TTF2: variants seen among roughly 807,000 people sequenced by gnomAD.
TTF2 encodes the protein RNA polymerase II termination factor.
Under a neutral mutation model 142.4 loss-of-function variants are expected in TTF2, and 108 were observed. That is an observed-to-expected ratio of 0.76 (90% CI 0.65 to 0.89). The LOEUF (loss-of-function observed/expected upper bound fraction) is 0.89, where lower values mean the gene tolerates loss of function less well. Among genes scored for constraint, TTF2 ranks in the 40% least tolerant of loss-of-function variants. The pLI, the probability that TTF2 is intolerant of heterozygous loss-of-function variation, is 0.00. For synonymous variants in TTF2, 483 were observed against 506.2 expected, an observed-to-expected ratio of 0.95 and a Z score of 0.61; for missense variants, 1,327 against 1,379.8, an observed-to-expected ratio of 0.96 and a Z score of 0.61.
rs368858689 is a variant in TTF2, at chr1:117,063,683, T to C, written c.218+1210T>C. Among the ~76,000 whole-genome samples, 15 of 152,228 alleles carry C rather than the reference T, an allele frequency of 9.9e-5. No individual in the cohort carries two copies. Among genetic ancestry groups the C allele is most frequent in the African/African-American group, 3.4e-4 (14 of 41,464 alleles). On this transcript the variant is annotated intron_variant, in intron 3 of 22. Transcript: ENST00000369466. This position sits in a 1 kb window ranked among gnomAD's most constrained non-coding sequence, Gnocchi z 4.1. The stretch of plus-strand genomic sequence containing the variant: ...CTGTTTAAATATTTTATCCTTTTTT[T>C]TGCATTGAAATTTTTATCAAGTAGT...
rs952630716 is a variant in TTF2 at position 117,085,373 on chromosome 1, G to A, written c.2055-1044G>A. ...GTTCGAGACCAGCCTAGGCAACATG[G>A]TGAAACCCATCTCTACCAAAAATAC... is the stretch of plus-strand genomic sequence containing the variant. On this transcript the variant is annotated intron_variant, in intron 11 of 22. Transcript: ENST00000369466. The surrounding 1 kb of genome is among the most constrained non-coding windows in gnomAD (Gnocchi z 4.7). Among the ~76,000 whole-genome samples the A allele has an allele frequency of 6.6e-6, 1 of 152,146 alleles. No homozygotes were observed. Among genetic ancestry groups the A allele is most frequent in the Non-Finnish European group, 1.5e-5 (1 of 68,032 alleles).
intron 15 of TTF2, 132 bp from the exon 16 acceptor site, chr1:117,091,196 G>T: frequency 3.3e-6 from 2 of 599,200 alleles, no homozygotes; most frequent in South Asian, 6.4e-5. Flanking sequence ...ATTACCTTTG[G>T]CCATTGCTTC....
chr1:117,082,703 G>T (rs1647631193), intron 10 of TTF2, among the ~76,000 whole-genome samples: 1 of 152,110 alleles, frequency 6.6e-6, no homozygotes, highest in Non-Finnish European at 1.5e-5. Context: ...TTAAAATGTA[G>T]TAACTTTAGC....
rs1364177499 is a variant in TTF2 at position 117,070,299 on chromosome 1, G to A, written c.219-3362G>A. ...TAGGAGATTTCATTTTTGTGTGAAC[G>A]TCACTGTGTGAACTTACACAAACCT... On this transcript the variant is annotated intron_variant, in intron 3 of 22. Coordinates refer to ENST00000369466, the MANE Select transcript of TTF2 (RefSeq NM_003594.4). This position sits in a 1 kb window ranked among gnomAD's most constrained non-coding sequence, Gnocchi z 4.2. Among the ~76,000 whole-genome samples, 7 of 152,212 alleles carry A rather than the reference G, an allele frequency of 4.6e-5. No individual in the cohort carries two copies. Among genetic ancestry groups the A allele is most frequent in the Non-Finnish European group, 8.8e-5 (6 of 68,044 alleles).
In TTF2 at chr1:117,097,309, G is replaced by A. The variant is rs1404427635; in HGVS notation, c.3187-42G>A. On this transcript the variant is annotated intron_variant, in intron 20 of 22. Coordinates refer to ENST00000369466, the MANE Select transcript of TTF2 (RefSeq NM_003594.4). This position sits in a 1 kb window ranked among gnomAD's most constrained non-coding sequence, Gnocchi z 4.1. ...AACCTGAGACCGAGATGTGTTACGAGACCAAGTCTGTTTAAAGTTAATGTT... is the reference window on the plus strand; with the variant it reads ...AACCTGAGACCGAGATGTGTTACGAAACCAAGTCTGTTTAAAGTTAATGTT... 1 of 1,583,710 alleles carries A rather than the reference G, an allele frequency of 6.3e-7. No homozygotes were observed. The highest frequency in any genetic ancestry group is 8.7e-7 in the Non-Finnish European group (1 of 1,152,470).
At position 117,097,229 on chromosome 1, in the gene TTF2, A is replaced by T; in HGVS notation, c.3187-122A>T. ...GTTAAAAAAAAAAACAATTTATAAC[A>T]GCAGAAGGAAATTTGATAGGAACAC... On this transcript the variant is annotated intron_variant, in intron 20 of 22. Coordinates refer to ENST00000369466, the MANE Select transcript of TTF2 (RefSeq NM_003594.4). The surrounding 1 kb of genome is among the most constrained non-coding windows in gnomAD (Gnocchi z 4.1). 1.2e-6 allele frequency: 1 copy of T among 830,304 alleles called. No homozygotes were observed. Among genetic ancestry groups the T allele is most frequent in the Non-Finnish European group, 2.0e-6 (1 of 506,868 alleles). 51.4% of individuals were successfully genotyped at this position (830,304 alleles called of 1,614,324 possible). A position where few individuals can be genotyped will look rare whatever the true frequency, so the allele number is the denominator to read the frequency against.
rs753846011 is a variant in TTF2 at position 117,075,477 on chromosome 1, GC to G, written c.896del (p.Pro299LeufsTer80). On this transcript the variant is annotated frameshift_variant, in exon 5 of 23. Transcript: ENST00000369466. LOFTEE classifies it high-confidence loss of function. This position sits in a 1 kb window ranked among gnomAD's most constrained non-coding sequence, Gnocchi z 4.5. Reference sequence around the variant, plus strand: ...GCTAAAGAAACAAAGGCAAAGGATGGCCCTAGCATACAGGCCACCCAGAAAA... The same window carrying G: ...GCTAAAGAAACAAAGGCAAAGGATGGCCTAGCATACAGGCCACCCAGAAAA... ...WEAKETKAKD[G>X]PSIQATQKSL... The G allele has an allele frequency of 1.9e-6, 3 of 1,613,966 alleles. No homozygotes were observed. The highest frequency in any genetic ancestry group is 2.5e-6 in the Non-Finnish European group (3 of 1,179,998).
intron 3 of TTF2, among the ~76,000 whole-genome samples, chr1:117,071,736 G>A (rs151017615): frequency 4.7e-4 from 71 of 152,146 alleles, no homozygotes; most frequent in African/African-American, 1.4e-3. Flanking sequence ...ACTTAATTAC[G>A]TACAACAGGC....
rs746429884 is a variant in TTF2 at position 117,095,258 on chromosome 1, G to A, written c.2977-51G>A. ...CTTCGCATGGCAGGTGAGGGGAGATGGAGAAAAGTGAATTGCTTAAACATA... is the reference window on the plus strand; with the variant it reads ...CTTCGCATGGCAGGTGAGGGGAGATAGAGAAAAGTGAATTGCTTAAACATA... On this transcript the variant is annotated intron_variant, in intron 18 of 22. Coordinates refer to ENST00000369466, the MANE Select transcript of TTF2 (RefSeq NM_003594.4). 533 of 1,589,742 alleles carry A rather than the reference G, an allele frequency of 3.4e-4. 1 individual carries two copies. Among genetic ancestry groups the A allele is most frequent in the Admixed American group, 1.3e-3 (80 of 59,940 alleles).
rs774489033 is a variant in TTF2 at position 117,092,760 on chromosome 1, A to G, written c.2835A>G (p.Glu945=). ...SALDPMELKG[E]GLVLSLEEQL... ...TGGATCCAATGGAACTGAAGGGTGA[A>G]GGTCTTGTCCTTTCCCTGGAAGAAC... Residue 945 remains glutamate (E), a synonymous_variant, in exon 18 of 23, where the codon GAA becomes GAG. Coordinates refer to ENST00000369466, the MANE Select transcript of TTF2 (RefSeq NM_003594.4). The surrounding 1 kb of genome is among the most constrained non-coding windows in gnomAD (Gnocchi z 4.4). 6.2e-7 allele frequency: 1 copy of G among 1,614,114 alleles called. No individual in the cohort carries two copies. Among genetic ancestry groups the G allele is most frequent in the Non-Finnish European group, 8.5e-7 (1 of 1,180,018 alleles).
chr1:117,077,489 C>CGT (rs1657111355), intron 7 of TTF2, among the ~76,000 whole-genome samples: 1 of 152,042 alleles, frequency 6.6e-6, no homozygotes, highest in South Asian at 2.1e-4. Flanking sequence ...CTTATTCTTT[C>CGT]GTGTGTGTGT....
rs1343228672 is a variant in TTF2, at chr1:117,102,365, G to A, written c.*841G>A. On this transcript the variant is annotated 3_prime_UTR_variant, in exon 23 of 23. Transcript: ENST00000369466. ...CATCTCTGCAGTTCTCTCAGTGCAGGCAGTTCTTCCTCTCAGGCTGAAGAT... is the reference window on the plus strand; with the variant it reads ...CATCTCTGCAGTTCTCTCAGTGCAGACAGTTCTTCCTCTCAGGCTGAAGAT... 1 of 152,198 alleles carries A rather than the reference G, an allele frequency of 6.6e-6. No homozygotes were observed. Among genetic ancestry groups the A allele is most frequent in the African/African-American group, 2.4e-5 (1 of 41,458 alleles). The allele number at this position is 152,198 out of a possible 1,614,324, so 9.4% of individuals were successfully genotyped here.
Position 117,098,786 on chromosome 1 carries a change from C to G in TTF2, c.3270-47C>G, listed in dbSNP as rs113667656. The stretch of plus-strand genomic sequence containing the variant: ...GCCCATGGCCCATAGTTTGCCATTT[C>G]TGATCTAGTATGTCAGTTCCTTTGA... On this transcript the variant is annotated intron_variant, in intron 21 of 22. Transcript: ENST00000369466. 8.3e-4 allele frequency: 1,310 copies of G among 1,574,144 alleles called. 10 individuals are homozygous for G. The African/African-American group carries it at 0.015, about 18-fold the overall frequency.
rs985787017 is a variant in TTF2 at position 117,090,476 on chromosome 1, A to G, written c.2497-56A>G. 6.6e-7 allele frequency: 1 copy of G among 1,518,170 alleles called. No homozygotes were observed. Among genetic ancestry groups the G allele is most frequent in the Non-Finnish European group, 9.1e-7 (1 of 1,101,160 alleles). The allele number at this position is 1,518,170 out of a possible 1,614,324, so 94.0% of individuals were successfully genotyped here. A position where few individuals can be genotyped will look rare whatever the true frequency, so the allele number is the denominator to read the frequency against. ...AGTGTCAGTATGGGGAATTTGTTCT[A>G]TAATAGGCAGTTAATTTGTATAGCT... is the stretch of plus-strand genomic sequence containing the variant. On this transcript the variant is annotated intron_variant, in intron 14 of 22. Coordinates refer to ENST00000369466, the MANE Select transcript of TTF2 (RefSeq NM_003594.4). This position sits in a 1 kb window ranked among gnomAD's most constrained non-coding sequence, Gnocchi z 4.8.
chr1:117,064,428 TG>T (rs1655923671), intron 3 of TTF2, among the ~76,000 whole-genome samples: 1 of 152,216 alleles, frequency 6.6e-6, no homozygotes, highest in African/African-American at 2.4e-5. Flanking sequence ...TTGTGCTTTT[TG>T]TCTGATCTCC....
At chr1:117,068,177 C>T (rs899757919) in intron 3 of TTF2, among the ~76,000 whole-genome samples, 6 of 152,228 alleles carry the variant, frequency 3.9e-5, no homozygotes, top group African/African-American at 1.4e-4. Context: ...AGAACTTTCA[C>T]TCAAGGATAC....
At position 117,075,973 on chromosome 1, in the gene TTF2, T is replaced by C. The variant is rs1436970498; in HGVS notation, c.1275+114T>C. 7.0e-7 allele frequency: 1 copy of C among 1,432,256 alleles called. No homozygotes were observed. The highest frequency in any genetic ancestry group is 9.3e-7 in the Non-Finnish European group (1 of 1,076,568). 88.7% of individuals were successfully genotyped at this position (1,432,256 alleles called of 1,614,324 possible). ...TATGTTCATGTGAAGGTTTTATAGG[T>C]GCATGTTCAGTTTCTGCCTTTTCCC... On this transcript the variant is annotated intron_variant, in intron 5 of 22. Transcript: ENST00000369466. This position sits in a 1 kb window ranked among gnomAD's most constrained non-coding sequence, Gnocchi z 4.5.
In TTF2 at chr1:117,075,719, G is replaced by A. The variant is rs751334441; in HGVS notation, c.1135G>A (p.Glu379Lys). Residue 379 changes from glutamate to lysine, a missense_variant, in exon 5 of 23, where the codon GAG (glutamate) becomes AAG (lysine). Glu to Lys is a moderately conservative substitution (Grantham distance 56). Transcript: ENST00000369466. The surrounding 1 kb of genome is among the most constrained non-coding windows in gnomAD (Gnocchi z 4.5). ...PLLFDSTLDL[E>K]TKENLQFPDR... ...ACTCTTTGACTCGACTCTGGACTTA[G>A]AGACGAAGGAAAACCTCCAATTCCC... is the stretch of plus-strand genomic sequence containing the variant. 1 of 1,614,094 alleles carries A rather than the reference G, an allele frequency of 6.2e-7. No homozygotes were observed. Among genetic ancestry groups the A allele is most frequent in the East Asian group, 2.2e-5 (1 of 44,890 alleles).
chr1:117,098,617 T>G, intron 21 of TTF2: 1 of 466,042 alleles, frequency 2.1e-6, no homozygotes, highest in East Asian at 3.5e-5. Flanking sequence ...ATCGACAGAT[T>G]TTTTTTCTTT....
Sources: allele counts gnomAD v4.1 joint callset (sites outside exome capture counted in the v4.1 genomes callset), GRCh38; gene constraint gnomAD v4.1.1; non-coding constraint Gnocchi (gnomAD v3.1); transcripts MANE v1.5; gene names NCBI Gene and HGNC (gene_info 2026-07-23, HGNC 2026-07-21).